The following TRPM3 variants were observed in gnomAD, a reference collection of about 807,000 sequenced individuals.
The protein encoded by TRPM3 is long transient receptor potential channel 3.
A neutral mutation model predicts 181.2 loss-of-function variants in TRPM3; 77 were observed. The ratio of observed to expected loss-of-function variants is 0.42; its 90% CI spans 0.35 to 0.51. The LOEUF is 0.51. Ranked by LOEUF, TRPM3 falls within the 20% of genes least tolerant of loss-of-function variation. The probability of loss-of-function intolerance (pLI) is 0.01; values close to 1 mark genes in which losing one functional copy is unlikely to be tolerated. For synonymous variants in TRPM3, 745 were observed against 796.4 expected, an observed-to-expected ratio of 0.94 and a Z score of 1.09; for missense variants, 1,759 against 2,196.7, an observed-to-expected ratio of 0.80 and a Z score of 3.98.
Position 71,364,230 on chromosome 9 carries a change from G to C in TRPM3, c.183+82423C>G, listed in dbSNP as rs114883939. Among the ~76,000 whole-genome samples the C allele has an allele frequency of 5.2e-3, 795 of 151,952 alleles. 9 individuals carry two copies. The highest frequency in any genetic ancestry group is 0.019 in the African/African-American group (767 of 41,442). On this transcript the variant is annotated intron_variant, in intron 1 of 24. Transcript: ENST00000357533. Reference sequence around the variant, plus strand: ...AAAAAAAAAAATCACTGTTATTCTCGGGGAAGCCTTAATATTTTTATTCGC... The same window carrying C: ...AAAAAAAAAAATCACTGTTATTCTCCGGGAAGCCTTAATATTTTTATTCGC...
At chr9:71,168,313 A>C (rs2134766408) in intron 1 of TRPM3, among the ~76,000 whole-genome samples, 1 of 152,190 alleles carries the variant, frequency 6.6e-6, no homozygotes, top group African/African-American at 2.4e-5. Context: ...GTTAGTATCA[A>C]AGAATAAATT....
chr9:71,420,753 GAGAA>G (rs1230220289), intron 1 of TRPM3, among the ~76,000 whole-genome samples: 5 of 104,096 alleles, frequency 4.8e-5, no homozygotes, highest in East Asian at 2.2e-4. Context: ...GAGAAAGAGA[GAGAA>G]AGAGAGAGAA....
At chr9:70,922,079 G>A (rs1291135016) in intron 1 of TRPM3, among the ~76,000 whole-genome samples, 1 of 151,894 alleles carries the variant, frequency 6.6e-6, no homozygotes, top group African/African-American at 2.4e-5. Flanking sequence ...CTCTTTCTAG[G>A]GTCTTGCTTG....
At chr9:71,421,009 A>AAAGAGAGAAAAAGAGAAAAAG (rs1563912773) in intron 1 of TRPM3, among the ~76,000 whole-genome samples, 1 of 126,600 alleles carries the variant, frequency 7.9e-6, no homozygotes, top group Admixed American at 7.7e-5. Flanking sequence ...AAGAGAGAAA[A>AAAGAGAGAAAAAGAGAAAAAG]AGAGAGAAAA....
intron 1 of TRPM3, among the ~76,000 whole-genome samples, chr9:70,901,182 AT>A (rs2133020424): frequency 6.6e-6 from 1 of 152,298 alleles, no homozygotes; most frequent in Non-Finnish European, 1.5e-5. Context: ...GCATACAGTA[AT>A]GACCTACACA....
chr9:71,341,144 A>G (rs1459355346), intron 1 of TRPM3, among the ~76,000 whole-genome samples: 1 of 152,202 alleles, frequency 6.6e-6, no homozygotes, highest in Admixed American at 6.6e-5. Context: ...CAATTGATAT[A>G]TATAGGAAGA....
intron 1 of TRPM3, among the ~76,000 whole-genome samples, chr9:71,164,632 AGG>A (rs2076447636): frequency 6.6e-6 from 1 of 152,166 alleles, no homozygotes; most frequent in Non-Finnish European, 1.5e-5. Flanking sequence ...AGTGATTTTA[AGG>A]AGAAGGAGAG....
intron 1 of TRPM3, among the ~76,000 whole-genome samples, chr9:71,373,248 C>A (rs1347732384): frequency 2.7e-5 from 4 of 149,800 alleles, no homozygotes; most frequent in African/African-American, 9.8e-5. Context: ...CCTATGCTAG[C>A]AGAAGACAAG....
chr9:71,096,586 A>ACTCTCTCTCTCTCT (rs1410846317), intron 1 of TRPM3, among the ~76,000 whole-genome samples: 14 of 100,244 alleles, frequency 1.4e-4, no homozygotes, highest in African/African-American at 6.2e-4. Context: ...ACACACACAC[A>ACTCTCTCTCTCTCT]CACACTCTCT....
chr9:71,121,762 A>T, upstream of TRPM3: 1 of 336,174 alleles, frequency 3.0e-6, no homozygotes, highest in Non-Finnish European at 4.2e-6. Context: ...AGAACGGGAA[A>T]CTTGCACTTT....
chr9:71,294,849 C>A (rs1017794372), intron 1 of TRPM3, among the ~76,000 whole-genome samples: 13 of 151,906 alleles, frequency 8.6e-5, no homozygotes, highest in Non-Finnish European at 1.5e-4. Flanking sequence ...AATCTCAAAG[C>A]AAAAAACAAA....
At chr9:71,358,182 C>T (rs1344356430) in intron 1 of TRPM3, among the ~76,000 whole-genome samples, 1 of 152,130 alleles carries the variant, frequency 6.6e-6, no homozygotes, top group Admixed American at 6.6e-5. Flanking sequence ...AGTCTGAAAG[C>T]TCAGTAACAG....
intron 1 of TRPM3, among the ~76,000 whole-genome samples, chr9:71,334,989 T>C (rs1312280639): frequency 1.3e-5 from 2 of 152,158 alleles, no homozygotes; most frequent in Admixed American, 6.6e-5. Flanking sequence ...TAATAATAAA[T>C]GATGGAATTT....
intron 1 of TRPM3, among the ~76,000 whole-genome samples, chr9:71,205,611 C>A (rs1041866223): frequency 2.6e-5 from 4 of 152,060 alleles, no homozygotes; most frequent in African/African-American, 9.7e-5. Flanking sequence ...AGGACACAGA[C>A]AAAATAAAAG....
intron 1 of TRPM3, among the ~76,000 whole-genome samples, chr9:71,283,381 G>C (rs1275924428): frequency 2.0e-5 from 3 of 152,018 alleles, no homozygotes; most frequent in Non-Finnish European, 4.4e-5. Context: ...ACTGCAAGCT[G>C]TGCCTCCCGG....
intron 1 of TRPM3, among the ~76,000 whole-genome samples, chr9:71,077,596 A>G (rs2063647034): frequency 6.6e-6 from 1 of 152,188 alleles, no homozygotes; most frequent in Non-Finnish European, 1.5e-5. Flanking sequence ...GGTACCAAAA[A>G]GTACTATAAA....
At chr9:70,820,059 C>T (rs773427561) in intron 6 of TRPM3, among the ~76,000 whole-genome samples, 9 of 152,070 alleles carry the variant, frequency 5.9e-5, no homozygotes, top group African/African-American at 7.2e-5. Flanking sequence ...TCCAACAAGT[C>T]GAGTACTCAA....
At chr9:71,312,022 G>T (rs2087997333) in intron 1 of TRPM3, among the ~76,000 whole-genome samples, 1 of 152,076 alleles carries the variant, frequency 6.6e-6, no homozygotes, top group Non-Finnish European at 1.5e-5. Flanking sequence ...TGACCTTTTA[G>T]ATTTAACACC....
intron 7 of TRPM3, among the ~76,000 whole-genome samples, chr9:70,768,807 T>C (rs192914096): frequency 6.2e-4 from 95 of 152,240 alleles, no homozygotes; most frequent in Non-Finnish European, 8.4e-4. Context: ...CTTTATTTAC[T>C]AGTGAGGGAC....
Sources: gnomAD v4.1 joint callset for allele counts (sites outside exome capture counted in the v4.1 genomes callset) on GRCh38, gnomAD v4.1.1 for gene constraint, MANE v1.5 for transcripts, NCBI Gene and HGNC (gene_info 2026-07-23, HGNC 2026-07-21) for gene names.